Variants in TMEM244 observed in about 807,000 individuals in gnomAD.
TMEM244 encodes the protein putative transmembrane protein 244.
Under a neutral mutation model 15.8 loss-of-function variants are expected in TMEM244, and 13 were observed. That is an observed-to-expected ratio of 0.82 (90% confidence interval 0.53 to 1.30). The LOEUF is 1.30. Among genes scored for constraint, TMEM244 ranks in the 50% most tolerant of loss-of-function variants. The pLI, the probability that TMEM244 is intolerant of heterozygous loss-of-function variation, is 0.00. For missense variants in TMEM244, 161 were observed against 144.9 expected, an observed-to-expected ratio of 1.11 and a Z score of -0.57; for synonymous variants, 45 against 48.7, an observed-to-expected ratio of 0.92 and a Z score of 0.32.
chr6:129,857,265 G>A (rs1344004327), intron 1 of TMEM244, among the ~76,000 whole-genome samples: 1 of 151,094 alleles, frequency 6.6e-6, no homozygotes, highest in African/African-American at 2.4e-5. Flanking sequence ...TGTTTATTCT[G>A]ATCTGATTGA....
chr6:129,848,480 A>G (rs1342193465), intron 1 of TMEM244, among the ~76,000 whole-genome samples: 1 of 152,202 alleles, frequency 6.6e-6, no homozygotes, highest in Non-Finnish European at 1.5e-5. Flanking sequence ...TTGGAGTTCT[A>G]TTAGCAGGGA....
At chr6:129,842,319 C>T (rs1244840382) in intron 3 of TMEM244, among the ~76,000 whole-genome samples, 2 of 152,160 alleles carry the variant, frequency 1.3e-5, no homozygotes, top group Non-Finnish European at 2.9e-5. Context: ...TTGGCAAAAA[C>T]TAGGGAAGTG....
Position 129,831,352 on chromosome 6 carries a change from C to A in TMEM244, c.354G>T (p.Trp118Cys). ...MLEFPLTSHW[W>C]AALGISKLLV The stretch of plus-strand genomic sequence containing the variant: ...GCAATTTTGATATACCTAAAGCAGC[C>A]CACCAATGTGATGTCAAGGGGAATT... The change falls in exon 5 of 5, where the codon TGG (tryptophan) becomes TGT (cysteine). Residue 118 changes from tryptophan to cysteine, a missense_variant. Physicochemically the swap from Trp to Cys is radical, Grantham distance 215. Coordinates refer to ENST00000368143, the MANE Select transcript of TMEM244 (RefSeq NM_001010876.2). 6.3e-7 allele frequency: 1 copy of A among 1,579,260 alleles called. No homozygotes were observed. Among genetic ancestry groups the A allele is most frequent in the Non-Finnish European group, 8.7e-7 (1 of 1,147,710 alleles).
intron 1 of TMEM244, among the ~76,000 whole-genome samples, chr6:129,859,840 T>A (rs1184221938): frequency 1.3e-5 from 2 of 152,212 alleles, no homozygotes; most frequent in Non-Finnish European, 2.9e-5. Context: ...TAGATGAAGG[T>A]CACTTTTGCT....
At chr6:129,849,846 C>T (rs568711452) in intron 1 of TMEM244, among the ~76,000 whole-genome samples, 4 of 152,188 alleles carry the variant, frequency 2.6e-5, no homozygotes, top group South Asian at 2.1e-4. Flanking sequence ...CCAAGCGAGA[C>T]GCCAGCAGAG....
At chr6:129,837,840 G>C (rs957946137) in intron 3 of TMEM244, among the ~76,000 whole-genome samples, 3 of 152,180 alleles carry the variant, frequency 2.0e-5, no homozygotes, top group Non-Finnish European at 2.9e-5. Context: ...ACTACATAAT[G>C]CTAAAGGGAT....
At chr6:129,855,111 T>G (rs1776687256) in intron 1 of TMEM244, among the ~76,000 whole-genome samples, 1 of 152,156 alleles carries the variant, frequency 6.6e-6, no homozygotes, top group African/African-American at 2.4e-5. Context: ...TCAGGCAGGA[T>G]TTCCACATGG....
intron 1 of TMEM244, among the ~76,000 whole-genome samples, chr6:129,859,026 C>A (rs1464187746): frequency 6.6e-6 from 1 of 152,068 alleles, no homozygotes; most frequent in Non-Finnish European, 1.5e-5. Context: ...AACTCCTGAC[C>A]TAAAGTGATC....
chr6:129,846,982 C>T (rs1584188060), intron 1 of TMEM244, among the ~76,000 whole-genome samples: 1 of 152,246 alleles, frequency 6.6e-6, no homozygotes, highest in South Asian at 2.1e-4. Context: ...TTGTACCAGA[C>T]ACCACAATAA....
intron 3 of TMEM244, among the ~76,000 whole-genome samples, chr6:129,839,109 G>A (rs1776450263): frequency 6.6e-6 from 1 of 152,122 alleles, no homozygotes; most frequent in Non-Finnish European, 1.5e-5. Context: ...ACCAAAGCCT[G>A]GTAGAGACAC....
At chr6:129,857,830 G>GTA (rs1346316382) in intron 1 of TMEM244, among the ~76,000 whole-genome samples, 3 of 149,150 alleles carry the variant, frequency 2.0e-5, no homozygotes. Flanking sequence ...ATATATATGT[G>GTA]TATATATATG....
intron 1 of TMEM244, among the ~76,000 whole-genome samples, chr6:129,851,845 A>G (rs960019133): frequency 1.3e-5 from 2 of 152,252 alleles, no homozygotes; most frequent in Non-Finnish European, 2.9e-5. Flanking sequence ...GGCTACTGCC[A>G]AACTTTTTAT....
Position 129,861,150 on chromosome 6 carries a change from C to T in TMEM244, c.33+6G>A. On this transcript the variant is annotated splice_donor_region_variant and intron_variant, in intron 1 of 4. Transcript: ENST00000368143. ...AAGGCAATGCAAAGAAGTAATTTCT[C>T]TTTACCTTGCTTGGAGCAACTCTGA... 2 of 1,613,730 alleles carry T rather than the reference C, an allele frequency of 1.2e-6. No individual in the cohort carries two copies. Among genetic ancestry groups the T allele is most frequent in the Non-Finnish European group, 8.5e-7 (1 of 1,179,732 alleles).
At chr6:129,860,468 G>A (rs1346481049) in intron 1 of TMEM244, among the ~76,000 whole-genome samples, 5 of 151,964 alleles carry the variant, frequency 3.3e-5, no homozygotes, top group African/African-American at 9.7e-5. Flanking sequence ...AAATACACAC[G>A]GTGCTGATAT....
intron 1 of TMEM244, among the ~76,000 whole-genome samples, chr6:129,858,495 C>T (rs1382228272): frequency 6.6e-6 from 1 of 152,180 alleles, no homozygotes; most frequent in Non-Finnish European, 1.5e-5. Context: ...CATATATCAT[C>T]TTCTCACTCC....
intron 1 of TMEM244, among the ~76,000 whole-genome samples, chr6:129,854,260 A>G (rs952576640): frequency 2.0e-5 from 3 of 152,174 alleles, no homozygotes; most frequent in East Asian, 1.9e-4. Flanking sequence ...TAGAATTAAT[A>G]GAAGGCTGGC....
At chr6:129,834,260 G>A (rs17058033) in intron 3 of TMEM244, among the ~76,000 whole-genome samples, 10,227 of 152,232 alleles carry the variant, frequency 0.067, 435 homozygotes, top group Non-Finnish European at 0.091. Context: ...CCCTGAACAC[G>A]TGATGGGTCA....
chr6:129,835,660 C>A (rs1190087563), intron 3 of TMEM244, among the ~76,000 whole-genome samples: 1 of 152,128 alleles, frequency 6.6e-6, no homozygotes, highest in Non-Finnish European at 1.5e-5. Flanking sequence ...CTAAGGGAAG[C>A]CATGACAGAC....
At chr6:129,847,208 T>C (rs538281764) in intron 1 of TMEM244, among the ~76,000 whole-genome samples, 1 of 152,276 alleles carries the variant, frequency 6.6e-6, no homozygotes, top group Admixed American at 6.5e-5. Flanking sequence ...TGTGCCACAC[T>C]TCACTGTTAA....
Sources: gnomAD v4.1 joint callset for allele counts (sites outside exome capture counted in the v4.1 genomes callset) on GRCh38, gnomAD v4.1.1 for gene constraint, MANE v1.5 for transcripts, NCBI Gene and HGNC (gene_info 2026-07-23, HGNC 2026-07-21) for gene names.